The following NCKAP5 variants were observed in gnomAD, a reference collection of about 807,000 sequenced individuals.
The protein encoded by NCKAP5 is NCK associated protein 5, also known as nck-associated protein 5.
NCKAP5 carries 92 observed loss-of-function variants against 167.0 expected under a neutral mutation model. The ratio of observed to expected loss-of-function variants is 0.55; its 90% CI spans 0.47 to 0.66. The LOEUF is 0.66. NCKAP5 is among the 30% of genes least tolerant of loss of function. NCKAP5 has a pLI of 0.00. For synonymous variants in NCKAP5, 891 were observed against 877.4 expected, an observed-to-expected ratio of 1.02 and a Z score of -0.27; for missense variants, 2,378 against 2,315.0, an observed-to-expected ratio of 1.03 and a Z score of -0.56.
At chr2:133,545,576 A>G (rs1484061124) in intron 2 of NCKAP5, among the ~76,000 whole-genome samples, 5 of 152,158 alleles carry the variant, frequency 3.3e-5, no homozygotes, top group Admixed American at 3.3e-4. Context: ...GCAGGCTCCA[A>G]GTCGAATCTA....
At position 133,063,292 on chromosome 2, in the gene NCKAP5, T is replaced by A. The variant is rs149571266; in HGVS notation, c.341+66686A>T. Among the ~76,000 whole-genome samples the A allele has an allele frequency of 1.1e-4, 17 of 152,348 alleles. No homozygotes were observed. In the East Asian group the frequency reaches 2.9e-3, roughly 26 times the overall value. On this transcript the variant is annotated intron_variant, in intron 6 of 19. Transcript: ENST00000409261. ...CACACTTTGGATTTATAATCAATAA[T>A]TCTATTGTCATATCATTTACAATAA...
chr2:133,511,567 A>G (rs565943596), intron 3 of NCKAP5, among the ~76,000 whole-genome samples: 1 of 152,332 alleles, frequency 6.6e-6, no homozygotes, highest in African/African-American at 2.4e-5. Flanking sequence ...CATTTTGGAA[A>G]GGTTGCTAAA....
chr2:133,485,783 T>A (rs1043570623), intron 3 of NCKAP5, among the ~76,000 whole-genome samples: 1 of 151,616 alleles, frequency 6.6e-6, no homozygotes, highest in Non-Finnish European at 1.5e-5. Context: ...ATACTGGGGG[T>A]GGGGAGGAGG....
the NCKAP5 span, among the ~76,000 whole-genome samples, chr2:133,628,081 A>G: frequency 6.6e-6 from 1 of 152,198 alleles, no homozygotes; most frequent in East Asian, 1.9e-4. Flanking sequence ...GAAAACCAGC[A>G]CAAGACAAGA....
intron 8 of NCKAP5, among the ~76,000 whole-genome samples, chr2:132,890,388 G>C (rs1574532808): frequency 6.9e-6 from 1 of 145,020 alleles, no homozygotes; most frequent in African/African-American, 2.5e-5. Flanking sequence ...ATAAAATATA[G>C]AGAGGCCACC....
intron 7 of NCKAP5, among the ~76,000 whole-genome samples, chr2:132,976,737 A>G (rs1472570469): frequency 6.6e-6 from 1 of 151,868 alleles, no homozygotes; most frequent in African/African-American, 2.4e-5. Context: ...TGTATAATTA[A>G]AGCATCATGT....
chr2:133,220,326 A>T (rs1344812), intron 4 of NCKAP5, among the ~76,000 whole-genome samples: 48,311 of 151,714 alleles, frequency 0.32, 8,768 homozygotes, highest in Non-Finnish European at 0.41. Context: ...GTATAAAAAA[A>T]GAATATAAAG....
At chr2:133,597,264 CCCCAGA>C in the NCKAP5 span, among the ~76,000 whole-genome samples, 1,730 of 152,278 alleles carry the variant, frequency 0.011, 17 homozygotes, top group Middle Eastern at 0.017. Flanking sequence ...GAAGGCTGGA[CCCCAGA>C]CCTACTGAAT....
chr2:133,190,990 C>A (rs1178746042), intron 5 of NCKAP5, among the ~76,000 whole-genome samples: 1 of 152,064 alleles, frequency 6.6e-6, no homozygotes, highest in Non-Finnish European at 1.5e-5. Context: ...AGGCAACCTG[C>A]AGAATGGGAG....
At chr2:133,217,511 T>C (rs1438891940) in intron 4 of NCKAP5, among the ~76,000 whole-genome samples, 1 of 152,120 alleles carries the variant, frequency 6.6e-6, no homozygotes, top group Non-Finnish European at 1.5e-5. Context: ...GTTTATTCAA[T>C]ATATTTTTCC....
intron 3 of NCKAP5, among the ~76,000 whole-genome samples, chr2:133,353,055 C>G (rs1684474135): frequency 6.6e-6 from 1 of 152,188 alleles, no homozygotes; most frequent in African/African-American, 2.4e-5. Context: ...TTGAAGGAAA[C>G]TTTGGGCCAT....
rs539270943 is a variant in NCKAP5, at chr2:133,124,145, C to T, written c.341+5833G>A. Among the ~76,000 whole-genome samples the T allele has an allele frequency of 2.6e-5, 4 of 152,262 alleles. No homozygotes were observed. In the South Asian group the frequency reaches 6.2e-4, roughly 24 times the overall value. The stretch of plus-strand genomic sequence containing the variant: ...GAAATAGCTTCAAGGCTGTGGATGA[C>T]GGTGCCAGGGGAGAAGGTCAGAACA... On this transcript the variant is annotated intron_variant, in intron 6 of 19. Transcript: ENST00000409261.
intron 7 of NCKAP5, among the ~76,000 whole-genome samples, chr2:132,975,225 A>G (rs1204513533): frequency 6.6e-6 from 1 of 152,238 alleles, no homozygotes; most frequent in African/African-American, 2.4e-5. Flanking sequence ...CTTCTTTTTC[A>G]TCTCTGGATT....
At position 132,920,767 on chromosome 2, in the gene NCKAP5, GTATGTATATA is replaced by G. The variant is rs1695324208; in HGVS notation, c.580-41861_580-41852del. On this transcript the variant is annotated intron_variant, in intron 8 of 19. Transcript: ENST00000409261. ...TGTGTATATATATATGTATATATAT[GTATGTATATA>G]TATATATATATATATATATATATAT... Among the ~76,000 whole-genome samples, 7 of 31,246 alleles carry G rather than the reference GTATGTATATA, an allele frequency of 2.2e-4. 1 individual carries two copies. Among genetic ancestry groups the G allele is most frequent in the African/African-American group, 7.1e-4 (6 of 8,414 alleles). 20.5% of individuals were successfully genotyped at this position (31,246 alleles called of 152,430 possible).
At chr2:133,660,640 A>G in the NCKAP5 span, among the ~76,000 whole-genome samples, 5 of 152,188 alleles carry the variant, frequency 3.3e-5, no homozygotes, top group African/African-American at 1.2e-4. Context: ...GAAGAGAACT[A>G]TCTCCAAAGT....
chr2:132,992,888 A>G (rs2077487934), intron 7 of NCKAP5, among the ~76,000 whole-genome samples: 1 of 152,224 alleles, frequency 6.6e-6, no homozygotes, highest in African/African-American at 2.4e-5. Flanking sequence ...CATGGGAAAG[A>G]ATTCTTACTA....
chr2:133,325,374 C>A (rs1001115888), intron 3 of NCKAP5, among the ~76,000 whole-genome samples: 3 of 152,138 alleles, frequency 2.0e-5, no homozygotes, highest in Non-Finnish European at 4.4e-5. Flanking sequence ...CCCTAAGTGC[C>A]TACATAAACC....
At chr2:133,637,646 TGAAA>T in the NCKAP5 span, among the ~76,000 whole-genome samples, 17 of 143,438 alleles carry the variant, frequency 1.2e-4, no homozygotes, top group East Asian at 7.9e-4. Flanking sequence ...GGACAGACTA[TGAAA>T]GAGAGAATTA....
intron 7 of NCKAP5, among the ~76,000 whole-genome samples, chr2:132,991,636 A>T (rs1221850111): frequency 6.6e-6 from 1 of 152,228 alleles, no homozygotes; most frequent in Non-Finnish European, 1.5e-5. Flanking sequence ...TTATTATATT[A>T]GCTCAATGAT....
Sources: allele counts gnomAD v4.1 joint callset (sites outside exome capture counted in the v4.1 genomes callset), GRCh38; gene constraint gnomAD v4.1.1; transcripts MANE v1.5; gene names NCBI Gene and HGNC (gene_info 2026-07-23, HGNC 2026-07-21).